The following ACTN2 variants were observed in gnomAD, a reference collection of about 807,000 sequenced individuals.
ACTN2 encodes alpha-actinin-2.
A neutral mutation model predicts 113.8 loss-of-function variants in ACTN2; 39 were observed. The observed-to-expected ratio is 0.34, with a 90% CI of 0.27 to 0.45. The LOEUF is 0.45. Among genes scored for constraint, ACTN2 ranks in the 20% least tolerant of loss-of-function variants. ACTN2 has a pLI of 1.00. For synonymous variants in ACTN2, 429 were observed against 444.1 expected (o/e 0.97, Z 0.43); for missense variants, 992 against 1,177.9 (o/e 0.84, Z 2.31).
intron 10 of ACTN2, among the ~76,000 whole-genome samples, chr1:236,739,978 C>G (rs1296942267): frequency 6.6e-6 from 1 of 152,206 alleles, no homozygotes; most frequent in African/African-American, 2.4e-5. Context: ...TACAAAAGTG[C>G]TGTCAAATCT....
intron 4 of ACTN2, among the ~76,000 whole-genome samples, chr1:236,725,691 G>A (rs915997338): frequency 3.9e-5 from 6 of 152,162 alleles, no homozygotes; most frequent in Admixed American, 3.3e-4. Flanking sequence ...CTGAAGTCTA[G>A]TTTTAGTGTC....
intron 4 of ACTN2, among the ~76,000 whole-genome samples, chr1:236,722,997 T>C (rs1385385184): frequency 6.6e-6 from 1 of 152,214 alleles, no homozygotes. Flanking sequence ...GGAAAAAGCC[T>C]TGTTCGGCAT....
At chr1:236,718,480 A>C (rs1022012321) in intron 2 of ACTN2, among the ~76,000 whole-genome samples, 4 of 152,208 alleles carry the variant, frequency 2.6e-5, no homozygotes, top group African/African-American at 9.7e-5. Flanking sequence ...GCCCTGATCC[A>C]TCTGTCTTCA....
At chr1:236,721,280 C>T (rs1658388724) in intron 4 of ACTN2, among the ~76,000 whole-genome samples, 1 of 151,862 alleles carries the variant, frequency 6.6e-6, no homozygotes, top group African/African-American at 2.4e-5. Flanking sequence ...CCCGCCTCAG[C>T]CTCCCAAAGT....
chr1:236,741,448 A>G (rs976676107), intron 10 of ACTN2, among the ~76,000 whole-genome samples: 2 of 152,208 alleles, frequency 1.3e-5, no homozygotes, highest in African/African-American at 2.4e-5. Flanking sequence ...TGGATATATT[A>G]TAGCATATTA....
At chr1:236,697,993 T>C (rs1657568394) in intron 1 of ACTN2, among the ~76,000 whole-genome samples, 1 of 151,254 alleles carries the variant, frequency 6.6e-6, no homozygotes, top group Admixed American at 6.6e-5. Flanking sequence ...AGGCTGGTCT[T>C]GAGCTCCTGA....
rs776456711 is a variant in ACTN2 at position 236,686,732 on chromosome 1, T to C, written c.59T>C (p.Met20Thr). 7.0e-6 allele frequency: 11 copies of C among 1,562,482 alleles called. No homozygotes were observed. The highest frequency in any genetic ancestry group is 6.9e-6 in the Non-Finnish European group (8 of 1,154,268). Residue 20 changes from methionine (M) to threonine (T), a missense_variant, in exon 1 of 21, where the codon ATG (methionine) becomes ACG (threonine). Coordinates refer to ENST00000366578, the MANE Select transcript of ACTN2 (RefSeq NM_001103.4). ...TACGTGTACGACGAGGATGAGTACATGATCCAGGAGGAGGAGTGGGACCGC... is the reference window on the plus strand; with the variant it reads ...TACGTGTACGACGAGGATGAGTACACGATCCAGGAGGAGGAGTGGGACCGC... ...YNYVYDEDEY[M>T]IQEEEWDRDL...
chr1:236,755,559 T>C (rs1368361288), intron 17 of ACTN2, among the ~76,000 whole-genome samples: 2 of 152,098 alleles, frequency 1.3e-5, no homozygotes, highest in Non-Finnish European at 2.9e-5. Flanking sequence ...ACTTGGTAAA[T>C]GGGAAAATAT....
intron 8 of ACTN2, chr1:236,736,902 C>A (rs537600346): frequency 5.4e-5 from 33 of 612,776 alleles, no homozygotes; most frequent in Admixed American, 3.0e-4. Flanking sequence ...ACAGTCTAAT[C>A]AGCCTGCCGT....
At chr1:236,721,033 T>TTTTTTTTTTTTTG (rs1658378422) in intron 4 of ACTN2, among the ~76,000 whole-genome samples, 3 of 108,834 alleles carry the variant, frequency 2.8e-5, no homozygotes, top group African/African-American at 1.0e-4. Context: ...TTTTTTTTTT[T>TTTTTTTTTTTTTG]TTTTTTTTTT....
intron 1 of ACTN2, among the ~76,000 whole-genome samples, chr1:236,689,850 T>G (rs1393087386): frequency 6.6e-6 from 1 of 152,232 alleles, no homozygotes; most frequent in Non-Finnish European, 1.5e-5. Flanking sequence ...AGCTTGTACC[T>G]CAACTGAAGC....
At chr1:236,727,113 A>G (rs1281118182) in intron 5 of ACTN2, among the ~76,000 whole-genome samples, 1 of 152,220 alleles carries the variant, frequency 6.6e-6, no homozygotes, top group Non-Finnish European at 1.5e-5. Context: ...GGAACAGACC[A>G]GAAATAAACA....
Position 236,760,705 on chromosome 1 carries a change from C to T in ACTN2, c.2368-310C>T, listed in dbSNP as rs114605512. ...GTAATCTGAGGAAAGGGCTCAGCTC[C>T]CGCTTTGACCTCCTCTTCCATAATT... On this transcript the variant is annotated intron_variant, in intron 19 of 20. Transcript: ENST00000366578. 4.5e-3 allele frequency among the ~76,000 whole-genome samples: 692 copies of T among 152,278 alleles called. 13 individuals carry two copies. Among genetic ancestry groups the T allele is most frequent in the African/African-American group, 0.016 (647 of 41,560 alleles).
At chr1:236,751,933 G>A (rs1391174277) in intron 15 of ACTN2, among the ~76,000 whole-genome samples, 1 of 152,156 alleles carries the variant, frequency 6.6e-6, no homozygotes, top group Non-Finnish European at 1.5e-5. Context: ...ATACCATAAA[G>A]GAAATGGTTT....
intron 4 of ACTN2, among the ~76,000 whole-genome samples, chr1:236,722,896 CA>C (rs1469289644): frequency 6.6e-6 from 1 of 152,156 alleles, no homozygotes; most frequent in African/African-American, 2.4e-5. Context: ...GTACGTAATT[CA>C]CACAAGGTTG....
intron 1 of ACTN2, among the ~76,000 whole-genome samples, chr1:236,713,053 TG>T (rs1470589151): frequency 1.3e-5 from 2 of 151,986 alleles, no homozygotes; most frequent in African/African-American, 2.4e-5. Flanking sequence ...GGGCCTGGGG[TG>T]TATTTTACTG....
intron 1 of ACTN2, among the ~76,000 whole-genome samples, chr1:236,710,250 G>A (rs944826589): frequency 3.9e-5 from 6 of 152,138 alleles, no homozygotes; most frequent in Admixed American, 3.9e-4. Flanking sequence ...CTTACCTTAG[G>A]GAATGTAGGT....
In ACTN2 at chr1:236,762,651, G is replaced by A; in HGVS notation, c.*32G>A. ...GCTTCTGTAATCACTCATCCCATCA[G>A]AATGCAATAAAAGCGGAAGTCACAG... On this transcript the variant is annotated 3_prime_UTR_variant, in exon 21 of 21. Transcript: ENST00000366578. The A allele has an allele frequency of 6.2e-7, 1 of 1,609,950 alleles. No homozygotes were observed. The highest frequency in any genetic ancestry group is 8.5e-7 in the Non-Finnish European group (1 of 1,178,000).
chr1:236,735,066 A>G lies in ACTN2; in HGVS notation c.698-569A>G, dbSNP rs759432067. On this transcript the variant is annotated intron_variant, in intron 7 of 20. Transcript: ENST00000366578. The stretch of plus-strand genomic sequence containing the variant: ...ATTCTTGGTGATTTCTATAAGCGGT[A>G]TGGTAAGTATGTATTGAAGTTATTA... 3.9e-5 allele frequency among the ~76,000 whole-genome samples: 6 copies of G among 152,282 alleles called. No individual in the cohort carries two copies. In the East Asian group the frequency reaches 1.2e-3, roughly 29 times the overall value.
Sources: gnomAD v4.1 joint callset for allele counts (sites outside exome capture counted in the v4.1 genomes callset) on GRCh38, gnomAD v4.1.1 for gene constraint, MANE v1.5 for transcripts, NCBI Gene and HGNC (gene_info 2026-07-23, HGNC 2026-07-21) for gene names.